The following KCNG3 variants were observed in gnomAD, a reference collection of about 807,000 sequenced individuals.
KCNG3 encodes the protein potassium voltage-gated channel modifier subfamily G member 3, also known as voltage-gated potassium channel regulatory subunit KCNG3.
Under a neutral mutation model 29.0 loss-of-function variants are expected in KCNG3, and 15 were observed. That is an observed-to-expected ratio of 0.52 (90% confidence interval 0.35 to 0.80). The LOEUF (loss-of-function observed/expected upper bound fraction) is 0.80. Ranked by LOEUF, KCNG3 falls within the 30% of genes least tolerant of loss-of-function variation. The pLI is 0.01. For missense variants in KCNG3, 512 were observed against 605.7 expected, an observed-to-expected ratio of 0.85 and a Z score of 1.62; for synonymous variants, 322 against 248.9, an observed-to-expected ratio of 1.29 and a Z score of -2.76.
At chr2:42,471,239 A>G (rs1673281631) in intron 1 of KCNG3, among the ~76,000 whole-genome samples, 3 of 151,998 alleles carry the variant, frequency 2.0e-5, no homozygotes. Context: ...TATAGCAGTC[A>G]TAATAATCAA....
the KCNG3 span, among the ~76,000 whole-genome samples, chr2:42,415,989 G>C: frequency 6.6e-6 from 1 of 152,148 alleles, no homozygotes; most frequent in Non-Finnish European, 1.5e-5. Flanking sequence ...GAGGTCAGGA[G>C]TTCGAGGCTA....
chr2:42,450,333 G>A (rs1230489093), intron 1 of KCNG3, among the ~76,000 whole-genome samples: 1 of 152,096 alleles, frequency 6.6e-6, no homozygotes. Flanking sequence ...GAAACCCCAG[G>A]CATCATTTTC....
intron 1 of KCNG3, among the ~76,000 whole-genome samples, chr2:42,451,885 G>A (rs1231946202): frequency 6.6e-6 from 1 of 151,956 alleles, no homozygotes; most frequent in African/African-American, 2.4e-5. Context: ...GGGCAACAGA[G>A]TGAGACCCTA....
At chr2:42,406,671 A>T in the KCNG3 span, among the ~76,000 whole-genome samples, 2 of 151,356 alleles carry the variant, frequency 1.3e-5, no homozygotes, top group Admixed American at 6.6e-5. Context: ...CTAAAAATTT[A>T]AAAAAATAAG....
the KCNG3 span, among the ~76,000 whole-genome samples, chr2:42,428,781 G>A: frequency 6.6e-6 from 1 of 152,182 alleles, no homozygotes; most frequent in South Asian, 2.1e-4. Context: ...CCACAGTGAT[G>A]TCAGGTGTCA....
At chr2:42,459,760 A>C (rs1420869855) in intron 1 of KCNG3, among the ~76,000 whole-genome samples, 1 of 152,138 alleles carries the variant, frequency 6.6e-6, no homozygotes, top group Non-Finnish European at 1.5e-5. Flanking sequence ...GTGGATCATG[A>C]GGTCAGGAGA....
At chr2:42,474,595 A>G (rs1673377558) in intron 1 of KCNG3, among the ~76,000 whole-genome samples, 1 of 152,074 alleles carries the variant, frequency 6.6e-6, no homozygotes. Flanking sequence ...ATACCTACCA[A>G]CTCTCATTTT....
At chr2:42,402,196 A>G in the KCNG3 span, among the ~76,000 whole-genome samples, 1 of 152,304 alleles carries the variant, frequency 6.6e-6, no homozygotes, top group East Asian at 1.9e-4. Context: ...TGGACATCAG[A>G]ACCCCTGCTT....
chr2:42,401,952 G>C, the KCNG3 span, among the ~76,000 whole-genome samples: 2 of 152,148 alleles, frequency 1.3e-5, no homozygotes, highest in African/African-American at 4.8e-5. Context: ...TTAATTTTCT[G>C]TGTCAACATG....
At position 42,476,914 on chromosome 2, in the gene KCNG3, G is replaced by C. The variant is rs554703797; in HGVS notation, c.665+15923C>G. ...AAAAGTACTGCTTAAGGCCGGGCGT[G>C]GTGGCTCACACCTGTAATCCCAGCA... On this transcript the variant is annotated intron_variant, in intron 1 of 1. Coordinates refer to ENST00000306078, the MANE Select transcript of KCNG3 (RefSeq NM_133329.6). Among the ~76,000 whole-genome samples the C allele has an allele frequency of 5.8e-4, 87 of 151,014 alleles. 1 individual carries two copies. The highest frequency in any genetic ancestry group is 4.2e-3 in the Admixed American group (63 of 15,142).
chr2:42,476,138 A>T (rs1410973903), intron 1 of KCNG3, among the ~76,000 whole-genome samples: 6 of 152,164 alleles, frequency 3.9e-5, no homozygotes, highest in African/African-American at 1.2e-4. Flanking sequence ...ACAGTTTTTT[A>T]AAATTTTTTC....
rs1673960985 is a variant in KCNG3, at chr2:42,493,285, T to C, written c.217A>G (p.Ile73Val). ...CCGTGGCCGCGCACGTAGAGCAGGA[T>C]GAAGCCGAAGGCCTCCGAGTGCCGG... Reference protein sequence around the residue: ...FDRHSEAFGFILLYVRGHGKL... With the variant: ...FDRHSEAFGFVLLYVRGHGKL... Residue 73 changes from isoleucine (I) to valine (V), a missense_variant, in exon 1 of 2, where the codon ATC (isoleucine) becomes GTC (valine). Ile to Val is a conservative substitution (Grantham distance 29). Transcript: ENST00000306078. 1 of 1,611,986 alleles carries C rather than the reference T, an allele frequency of 6.2e-7. No homozygotes were observed. Among genetic ancestry groups the C allele is most frequent in the Non-Finnish European group, 8.5e-7 (1 of 1,179,708 alleles).
At chr2:42,395,027 T>C in the KCNG3 span, among the ~76,000 whole-genome samples, 1 of 152,178 alleles carries the variant, frequency 6.6e-6, no homozygotes, top group Non-Finnish European at 1.5e-5. Flanking sequence ...GACAAATCTT[T>C]CTCAACCAAA....
At chr2:42,429,552 C>G in the KCNG3 span, among the ~76,000 whole-genome samples, 2 of 152,210 alleles carry the variant, frequency 1.3e-5, no homozygotes, top group South Asian at 4.1e-4. Context: ...CATGTCGAAT[C>G]AGCAAAATGT....
intron 1 of KCNG3, among the ~76,000 whole-genome samples, chr2:42,457,837 A>T (rs1277171937): frequency 6.6e-6 from 1 of 151,902 alleles, no homozygotes; most frequent in Non-Finnish European, 1.5e-5. Flanking sequence ...AGAAATGTAC[A>T]AAGCCAGGTG....
chr2:42,416,896 A>ACAATG, the KCNG3 span, among the ~76,000 whole-genome samples: 1 of 152,102 alleles, frequency 6.6e-6, no homozygotes, highest in Non-Finnish European at 1.5e-5. Flanking sequence ...TGATCACTAT[A>ACAATG]CAATGCATAC....
intron 1 of KCNG3, among the ~76,000 whole-genome samples, chr2:42,469,108 G>C (rs1673220301): frequency 6.6e-6 from 1 of 151,574 alleles, no homozygotes; most frequent in African/African-American, 2.4e-5. Context: ...AGACAGTATA[G>C]TGTGAATGCT....
chr2:42,456,868 T>G (rs1043946345), intron 1 of KCNG3, among the ~76,000 whole-genome samples: 6 of 152,170 alleles, frequency 3.9e-5, no homozygotes, highest in African/African-American at 1.4e-4. Context: ...GCCACTTCAT[T>G]ACCTAGAGTC....
chr2:42,456,679 C>T (rs780256499), intron 1 of KCNG3, among the ~76,000 whole-genome samples: 5 of 152,142 alleles, frequency 3.3e-5, no homozygotes, highest in Admixed American at 6.5e-5. Flanking sequence ...ATAATCAAGT[C>T]ATCAGCAGCT....
Sources: gnomAD v4.1 joint callset for allele counts (sites outside exome capture counted in the v4.1 genomes callset) on GRCh38, gnomAD v4.1.1 for gene constraint, MANE v1.5 for transcripts, NCBI Gene and HGNC (gene_info 2026-07-23, HGNC 2026-07-21) for gene names.